The following TRAK2 variants were observed in gnomAD, a reference collection of about 807,000 sequenced individuals.
TRAK2 encodes the protein trafficking kinesin-binding protein 2.
In TRAK2, 81 loss-of-function variants were observed where a neutral mutation model predicts 104.6. That is an observed-to-expected ratio of 0.77 (90% CI 0.65 to 0.93). The LOEUF (loss-of-function observed/expected upper bound fraction) is 0.93, where lower values mean the gene tolerates loss of function less well. Ranked by LOEUF, TRAK2 falls within the 40% of genes least tolerant of loss-of-function variation. The pLI is 0.00. For synonymous variants in TRAK2, 406 were observed against 394.4 expected (o/e 1.03, Z -0.35); for missense variants, 1,002 against 1,089.0 (o/e 0.92, Z 1.12).
At position 201,393,178 on chromosome 2, in the gene TRAK2, A is replaced by G. The variant is rs563871604; in HGVS notation, c.976-132T>C. ...CTAACTTTATGAATATCATTTCAAT[A>G]CAAAGACTAAAACAAACTAAGCAAG... is the stretch of plus-strand genomic sequence containing the variant. On this transcript the variant is annotated intron_variant, in intron 9 of 15. Coordinates refer to ENST00000332624, the MANE Select transcript of TRAK2 (RefSeq NM_015049.3). The G allele has an allele frequency of 5.1e-4, 438 of 855,268 alleles. 2 individuals carry two copies. Among genetic ancestry groups the G allele is most frequent in the Middle Eastern group, 3.5e-3 (15 of 4,252 alleles). The allele number at this position is 855,268 out of a possible 1,614,324, so 53.0% of individuals were successfully genotyped here.
At chr2:201,422,655 T>C (rs568308362) in intron 1 of TRAK2, among the ~76,000 whole-genome samples, 2 of 151,042 alleles carry the variant, frequency 1.3e-5, no homozygotes, top group South Asian at 2.1e-4. Flanking sequence ...TTAAACGTTA[T>C]ACAAAGTCAA....
intron 7 of TRAK2, 64 bp from the exon 8 acceptor site, chr2:201,395,508 A>T (rs1951494459): frequency 7.0e-7 from 1 of 1,429,012 alleles, no homozygotes; most frequent in African/African-American, 1.4e-5. Context: ...GCAAACTATG[A>T]CTTGTGAGCT....
intron 1 of TRAK2, among the ~76,000 whole-genome samples, chr2:201,450,097 T>C (rs1952013138): frequency 6.6e-6 from 1 of 152,164 alleles, no homozygotes; most frequent in Admixed American, 6.5e-5. Flanking sequence ...TGTCTGAGAC[T>C]TGCTGGACAT....
chr2:201,434,984 T>C (rs1488402687), intron 1 of TRAK2, among the ~76,000 whole-genome samples: 4 of 152,196 alleles, frequency 2.6e-5, no homozygotes, highest in African/African-American at 9.7e-5. Flanking sequence ...GGAAATAAGA[T>C]AGCTCAAAAA....
intron 1 of TRAK2, among the ~76,000 whole-genome samples, chr2:201,441,893 CAT>C (rs1263053303): frequency 6.6e-6 from 1 of 151,124 alleles, no homozygotes; most frequent in African/African-American, 2.4e-5. Context: ...GGTTTCACCA[CAT>C]GTTGGCCAGG....
At position 201,407,541 on chromosome 2, in the gene TRAK2, GTTC is replaced by G. The variant is rs1951606010; in HGVS notation, c.145_147del (p.Glu49del). The G allele has an allele frequency of 1.2e-6, 2 of 1,614,026 alleles. No individual in the cohort carries two copies. Among genetic ancestry groups the G allele is most frequent in the Non-Finnish European group, 1.7e-6 (2 of 1,179,978 alleles). ...ACTTTTAGCCTATACTGTGGTAGTTGTTCTTCTAGCAGACTCACCAGCTCAACT... is the reference window on the plus strand; with the variant it reads ...ACTTTTAGCCTATACTGTGGTAGTTGTTCTAGCAGACTCACCAGCTCAACT... On this transcript the variant is annotated inframe_deletion, in exon 3 of 16. Coordinates refer to ENST00000332624, the MANE Select transcript of TRAK2 (RefSeq NM_015049.3).
intron 4 of TRAK2, 67 bp downstream of exon 4, chr2:201,400,950 AT>A: frequency 7.6e-7 from 1 of 1,313,324 alleles, no homozygotes; most frequent in Non-Finnish European, 1.1e-6. Context: ...TGATGTGCAA[AT>A]TTGATAGATT....
In TRAK2 at chr2:201,389,816, G is replaced by C; in HGVS notation, c.1178C>G (p.Ser393Cys). 1.2e-6 allele frequency: 2 copies of C among 1,612,988 alleles called. No homozygotes were observed. Among genetic ancestry groups the C allele is most frequent in the Admixed American group, 1.7e-5 (1 of 59,816 alleles). The change falls in exon 11 of 16, where the codon TCT becomes TGT. Residue 393 changes from serine to cysteine, a missense_variant. Physicochemically the swap from Ser to Cys is moderately radical, Grantham distance 112. Transcript: ENST00000332624. ...CTGTACTTACTTTTGTTTAAAGAGA[G>C]AAGATTCCTCATCCAAACTCAGCTT... ...RKKLSLDEES[S>C]LFKQKAQQKR...
chr2:201,433,669 A>G (rs1200273390), intron 1 of TRAK2: 1 of 152,230 alleles, frequency 6.6e-6, no homozygotes, highest in African/African-American at 2.4e-5. Flanking sequence ...AAAGGGCGGT[A>G]ACCTCTGGCA....
At chr2:201,413,231 A>G (rs1369334941) in intron 2 of TRAK2, 13 of 1,414,992 alleles carry the variant, frequency 9.2e-6, no homozygotes, top group African/African-American at 1.4e-5. Context: ...TAGTGACAGG[A>G]TTTCTCATTA....
intron 2 of TRAK2, among the ~76,000 whole-genome samples, chr2:201,408,407 A>T (rs2125649843): frequency 6.6e-6 from 1 of 152,234 alleles, no homozygotes; most frequent in South Asian, 2.1e-4. Flanking sequence ...TTTGGTGTAC[A>T]GATTATTTCA....
chr2:201,382,677 A>AT (rs539028005), intron 15 of TRAK2, among the ~76,000 whole-genome samples: 3 of 152,046 alleles, frequency 2.0e-5, no homozygotes, highest in African/African-American at 7.2e-5. Context: ...AAAAATGCAG[A>AT]TTTTTTTTGT....
intron 3 of TRAK2, among the ~76,000 whole-genome samples, chr2:201,404,963 C>T (rs909287670): frequency 6.6e-6 from 1 of 152,224 alleles, no homozygotes; most frequent in South Asian, 2.1e-4. Context: ...TACACACCAT[C>T]TAGGGCAGTC....
chr2:201,392,676 AT>A (rs1951458563), intron 10 of TRAK2, among the ~76,000 whole-genome samples: 2 of 152,176 alleles, frequency 1.3e-5, no homozygotes, highest in African/African-American at 4.8e-5. Flanking sequence ...CTTAGGGCTC[AT>A]CTTATGTATT....
In TRAK2 at chr2:201,377,940, C is replaced by T. The variant is rs760050944; in HGVS notation, c.*2603G>A. Reference sequence around the variant, plus strand: ...ATGAAAGTACACATACAATTTTTATCGTAGAAAAGACTAAAATGTGAATAG... The same window carrying T: ...ATGAAAGTACACATACAATTTTTATTGTAGAAAAGACTAAAATGTGAATAG... On this transcript the variant is annotated 3_prime_UTR_variant, in exon 16 of 16. Coordinates refer to ENST00000332624, the MANE Select transcript of TRAK2 (RefSeq NM_015049.3). 7 of 151,694 alleles carry T rather than the reference C, an allele frequency of 4.6e-5. No homozygotes were observed. Among genetic ancestry groups the T allele is most frequent in the Non-Finnish European group, 1.0e-4 (7 of 67,904 alleles). 9.4% of individuals were successfully genotyped at this position (151,694 alleles called of 1,614,324 possible).
chr2:201,413,421 A>C, intron 2 of TRAK2: 1 of 456,060 alleles, frequency 2.2e-6, no homozygotes, highest in Admixed American at 4.0e-5. Flanking sequence ...CTCTGCCTTC[A>C]CACGTGGCAG....
chr2:201,401,232 G>GA (rs1157464831), intron 3 of TRAK2, 138 bp from the exon 4 acceptor site: 55 of 498,954 alleles, frequency 1.1e-4, no homozygotes, highest in South Asian at 2.0e-4. Flanking sequence ...AAATATATGT[G>GA]AAAAAAAAGA....
intron 1 of TRAK2, among the ~76,000 whole-genome samples, chr2:201,436,740 C>G (rs1205955423): frequency 1.3e-5 from 2 of 152,028 alleles, no homozygotes; most frequent in East Asian, 3.9e-4. Flanking sequence ...GTCCTTAAGG[C>G]CTTCAGAAGC....
Position 201,386,200 on chromosome 2 carries a change from A to T in TRAK2, c.1963+18T>A, listed in dbSNP as rs757959341. The T allele has an allele frequency of 6.2e-7, 1 of 1,613,658 alleles. No homozygotes were observed. The highest frequency in any genetic ancestry group is 8.5e-7 in the Non-Finnish European group (1 of 1,179,716). Reference sequence around the variant, plus strand: ...ACTTCTGGTTATTATACCATATTCAACCAGACACTCTTCTCACCTGTAACT... The same window carrying T: ...ACTTCTGGTTATTATACCATATTCATCCAGACACTCTTCTCACCTGTAACT... On this transcript the variant is annotated intron_variant, in intron 14 of 15. Transcript: ENST00000332624.
Sources: allele counts gnomAD v4.1 joint callset (sites outside exome capture counted in the v4.1 genomes callset), GRCh38; gene constraint gnomAD v4.1.1; transcripts MANE v1.5; gene names NCBI Gene and HGNC (gene_info 2026-07-23, HGNC 2026-07-21).